Variants in PTPN13 observed in about 807,000 individuals in gnomAD.
PTPN13 encodes the protein tyrosine-protein phosphatase non-receptor type 13.
Under a neutral mutation model 284.0 loss-of-function variants are expected in PTPN13, and 191 were observed. The observed-to-expected ratio is 0.67, with a 90% confidence interval of 0.60 to 0.76. PTPN13 has a LOEUF of 0.76. Among genes scored for constraint, PTPN13 ranks in the 30% least tolerant of loss-of-function variants. PTPN13 has a pLI of 0.00. For missense variants in PTPN13, 2,797 were observed against 2,939.9 expected (o/e 0.95, Z 1.12); for synonymous variants, 986 against 1,022.3 (o/e 0.96, Z 0.68).
chr4:86,745,024 A>G lies in PTPN13; in HGVS notation c.2546A>G (p.Asp849Gly), dbSNP rs376751110. ...SDGIKHGFQT[D>G]NSKICQYLLH... ...GGAATAAAACATGGCTTCCAGACAGACAACAGTAAGATATGCCAGTACCTG... is the reference window on the plus strand; with the variant it reads ...GGAATAAAACATGGCTTCCAGACAGGCAACAGTAAGATATGCCAGTACCTG... The change falls in exon 17 of 48, where the codon GAC becomes GGC. Residue 849 changes from aspartate (D) to glycine (G), a missense_variant. Coordinates refer to ENST00000411767, the MANE Select transcript of PTPN13 (RefSeq NM_080683.3). 8.1e-6 allele frequency: 13 copies of G among 1,605,736 alleles called. No homozygotes were observed. In the African/African-American group the frequency reaches 1.5e-4, roughly 18 times the overall value.
At chr4:86,761,775 C>G (rs1265422976) in intron 23 of PTPN13, among the ~76,000 whole-genome samples, 1 of 152,128 alleles carries the variant, frequency 6.6e-6, no homozygotes, top group Non-Finnish European at 1.5e-5. Context: ...TTTAGCAACT[C>G]TTTGTATATT....
chr4:86,768,930 G>C (rs1409574064), intron 28 of PTPN13, among the ~76,000 whole-genome samples: 1 of 151,838 alleles, frequency 6.6e-6, no homozygotes, highest in Admixed American at 6.6e-5. Flanking sequence ...AACTGGTCTT[G>C]AACTCCTGAC....
In PTPN13 at chr4:86,794,159, G is replaced by A. The variant is rs913659319; in HGVS notation, c.6346-2715G>A. Among the ~76,000 whole-genome samples, 10 of 152,144 alleles carry A rather than the reference G, an allele frequency of 6.6e-5. No homozygotes were observed. In the East Asian group the frequency reaches 9.7e-4, roughly 15 times the overall value. ...GATTGTATATTTAGAAAACCCCATC[G>A]TCTCAGTCCAAAATCTCCTTAAGCT... On this transcript the variant is annotated intron_variant, in intron 40 of 47. Transcript: ENST00000411767.
intron 6 of PTPN13, among the ~76,000 whole-genome samples, chr4:86,695,623 A>G (rs759474192): frequency 6.6e-6 from 1 of 151,822 alleles, no homozygotes; most frequent in African/African-American, 2.4e-5. Context: ...TGTTTTTCTT[A>G]CTTATCTTTT....
intron 1 of PTPN13, among the ~76,000 whole-genome samples, chr4:86,617,314 C>G (rs908188280): frequency 1.3e-5 from 2 of 152,134 alleles, no homozygotes; most frequent in African/African-American, 4.8e-5. Flanking sequence ...TACAGACGGT[C>G]CTCGACTTAG....
intron 2 of PTPN13, among the ~76,000 whole-genome samples, chr4:86,650,851 C>T (rs971839286): frequency 3.9e-5 from 6 of 152,130 alleles, no homozygotes. Context: ...AATACAAGAT[C>T]ATATCATTTG....
At chr4:86,774,604 T>C in intron 33 of PTPN13, 73 bp downstream of exon 33, 11 of 1,383,048 alleles carry the variant, frequency 8.0e-6, no homozygotes, top group Non-Finnish European at 1.1e-5. Flanking sequence ...GAAGATTGAA[T>C]TATTGTAATA....
At chr4:86,688,761 A>T (rs959016418) in intron 4 of PTPN13, among the ~76,000 whole-genome samples, 4 of 152,174 alleles carry the variant, frequency 2.6e-5, no homozygotes, top group African/African-American at 9.7e-5. Flanking sequence ...CTTTATATTT[A>T]AAAATGCCCA....
intron 40 of PTPN13, 124 bp downstream of exon 40, chr4:86,786,060 C>T (rs9994213): frequency 0.099 from 45,419 of 459,330 alleles, 2,523 homozygotes; most frequent in Non-Finnish European, 0.11. Context: ...AGGAGGAAAA[C>T]GGAGATTAAT....
Position 86,741,778 on chromosome 4 carries a change from C to A in PTPN13, c.2449C>A (p.Arg817Ser). ...VHNGVRTLVL[R>S]FPWRETKKIS... The stretch of plus-strand genomic sequence containing the variant: ...CAATGGAGTGCGCACATTGGTCCTT[C>A]GCTTTCCATGGAGGGAAACCAAGAA... The change falls in exon 16 of 48, where the codon CGC (arginine) becomes AGC (serine). Residue 817 changes from arginine (R) to serine (S), a missense_variant. Arg to Ser is a moderately radical substitution (Grantham distance 110). Coordinates refer to ENST00000411767, the MANE Select transcript of PTPN13 (RefSeq NM_080683.3). The A allele has an allele frequency of 1.2e-6, 2 of 1,611,296 alleles. No homozygotes were observed. The highest frequency in any genetic ancestry group is 1.7e-6 in the Non-Finnish European group (2 of 1,178,528).
chr4:86,633,844 A>G (rs1355980354), intron 1 of PTPN13, among the ~76,000 whole-genome samples: 3 of 152,224 alleles, frequency 2.0e-5, no homozygotes, highest in African/African-American at 7.2e-5. Context: ...AGTCAATGAG[A>G]ACCTAGAGAC....
chr4:86,779,725 C>A (rs1741078496), intron 35 of PTPN13, among the ~76,000 whole-genome samples: 1 of 152,130 alleles, frequency 6.6e-6, no homozygotes, highest in Admixed American at 6.5e-5. Flanking sequence ...TACTGTACAC[C>A]TTAGGCAACT....
intron 3 of PTPN13, 61 bp from the exon 4 acceptor site, chr4:86,686,648 CA>C: frequency 9.7e-7 from 1 of 1,033,954 alleles, no homozygotes; most frequent in South Asian, 1.5e-5. Flanking sequence ...GTTTTTATAG[CA>C]CTTGCTTAAT....
chr4:86,629,852 G>A (rs575524961), intron 1 of PTPN13, among the ~76,000 whole-genome samples: 3 of 151,878 alleles, frequency 2.0e-5, no homozygotes, highest in African/African-American at 7.3e-5. Context: ...CACCTCCCAG[G>A]CTCAAGCAAT....
intron 3 of PTPN13, among the ~76,000 whole-genome samples, chr4:86,677,478 C>A (rs879501493): frequency 2.6e-5 from 4 of 151,540 alleles, no homozygotes; most frequent in Non-Finnish European, 5.9e-5. Flanking sequence ...CCACACCCAG[C>A]TAAGTTTTGT....
chr4:86,704,558 A>G (rs966894598), intron 7 of PTPN13, among the ~76,000 whole-genome samples: 1 of 152,256 alleles, frequency 6.6e-6, no homozygotes, highest in Non-Finnish European at 1.5e-5. Context: ...TATATCTGCA[A>G]AGATGATACA....
intron 7 of PTPN13, among the ~76,000 whole-genome samples, chr4:86,709,951 C>T (rs1365160188): frequency 6.6e-6 from 1 of 151,958 alleles, no homozygotes; most frequent in Non-Finnish European, 1.5e-5. Flanking sequence ...CTTTGTTCAC[C>T]CAGGTTAAAA....
At chr4:86,794,193 A>G (rs1394528599) in intron 40 of PTPN13, among the ~76,000 whole-genome samples, 1 of 152,218 alleles carries the variant, frequency 6.6e-6, no homozygotes, top group Non-Finnish European at 1.5e-5. Context: ...CTGATAAGCA[A>G]CTTCAGCAAA....
chr4:86,786,013 CAGAGAT>C, intron 40 of PTPN13, 77 bp downstream of exon 40: 6 of 725,778 alleles, frequency 8.3e-6, no homozygotes, highest in Non-Finnish European at 1.0e-5. Context: ...GTGAAATAAT[CAGAGAT>C]TCTTTCCTGT....
Sources: gnomAD v4.1 joint callset for allele counts (sites outside exome capture counted in the v4.1 genomes callset) on GRCh38, gnomAD v4.1.1 for gene constraint, MANE v1.5 for transcripts, NCBI Gene and HGNC (gene_info 2026-07-23, HGNC 2026-07-21) for gene names.